The following RCC2 variants were observed in gnomAD, a reference collection of about 807,000 sequenced individuals.
RCC2 encodes the protein protein RCC2.
In RCC2, 19 loss-of-function variants were observed where a neutral mutation model predicts 64.1. The ratio of observed to expected loss-of-function variants is 0.30; its 90% CI spans 0.21 to 0.44. The LOEUF (loss-of-function observed/expected upper bound fraction) is 0.44, where lower values mean the gene tolerates loss of function less well. Among genes scored for constraint, RCC2 ranks in the 20% least tolerant of loss-of-function variants. The pLI is 1.00. For missense variants in RCC2, 508 were observed against 710.4 expected (o/e 0.72, Z 3.24); for synonymous variants, 325 against 279.6 (o/e 1.16, Z -1.62).
rs1429973045 is a variant in RCC2, at chr1:17,408,452, C to CCA, written c.*636_*637dup. The CCA allele has an allele frequency of 6.6e-6, 1 of 152,504 alleles. No individual in the cohort carries two copies. The highest frequency in any genetic ancestry group is 1.5e-5 in the Non-Finnish European group (1 of 68,266). 9.4% of individuals were successfully genotyped at this position (152,504 alleles called of 1,614,324 possible). On this transcript the variant is annotated 3_prime_UTR_variant, in exon 13 of 13. Coordinates refer to ENST00000375436, the MANE Select transcript of RCC2 (RefSeq NM_018715.4). ...TGGCTAAACACAGATCCCCAATCCCCCACCAGGGGGGACACGGCCGATTCT... is the reference window on the plus strand; with the variant it reads ...TGGCTAAACACAGATCCCCAATCCCCCACACCAGGGGGGACACGGCCGATTCT...
chr1:17,412,033 G>T, intron 11 of RCC2, 89 bp downstream of exon 11: 2 of 1,157,208 alleles, frequency 1.7e-6, no homozygotes, highest in Non-Finnish European at 1.3e-6. Flanking sequence ...TCTTCTGTGT[G>T]TTTTGGGAGA....
chr1:17,426,850 C>T (rs2075623049), intron 3 of RCC2, among the ~76,000 whole-genome samples: 2 of 150,094 alleles, frequency 1.3e-5, no homozygotes, highest in African/African-American at 4.9e-5. Flanking sequence ...GCAACCTCTG[C>T]CTCCCAGGTT....
chr1:17,426,894 C>G (rs960571321), intron 3 of RCC2, among the ~76,000 whole-genome samples: 2 of 150,658 alleles, frequency 1.3e-5, no homozygotes, highest in African/African-American at 4.9e-5. Flanking sequence ...TCACGAGTAA[C>G]TGGGATTACA....
chr1:17,418,009 T>C (rs2075507674), intron 7 of RCC2, among the ~76,000 whole-genome samples: 1 of 150,690 alleles, frequency 6.6e-6, no homozygotes, highest in Non-Finnish European at 1.5e-5. Context: ...ATTTTAAGTG[T>C]ACAGGTTACA....
At position 17,413,540 on chromosome 1, in the gene RCC2, C is replaced by T; in HGVS notation, c.1204G>A (p.Val402Met). 6.2e-7 allele frequency: 1 copy of T among 1,614,010 alleles called. No individual in the cohort carries two copies. Among genetic ancestry groups the T allele is most frequent in the Non-Finnish European group, 8.5e-7 (1 of 1,179,872 alleles). Residue 402 changes from valine (V) to methionine (M), a missense_variant, in exon 9 of 13, where the codon GTG becomes ATG. Transcript: ENST00000375436. ...GYTCSFAVSE[V>M]GGLFFWGATN... is the part of the protein sequence containing the mutation. Reference sequence around the variant, plus strand: ...CCAGGGGGCAGAAATCACTAACCCACTTCACTGACAGCAAAGGAGCAGGTG... The same window carrying T: ...CCAGGGGGCAGAAATCACTAACCCATTTCACTGACAGCAAAGGAGCAGGTG...
chr1:17,413,400 CACA>C (rs1009407012), intron 9 of RCC2, 134 bp downstream of exon 9: 45 of 1,025,930 alleles, frequency 4.4e-5, no homozygotes, highest in African/African-American at 3.9e-4. Flanking sequence ...GCCTGGACAA[CACA>C]ACGAGTTCCT....
intron 3 of RCC2, among the ~76,000 whole-genome samples, chr1:17,428,319 G>A (rs1408420): frequency 0.4 from 60,785 of 152,128 alleles, 12,695 homozygotes; most frequent in African/African-American, 0.52. Flanking sequence ...TGAAGGCTGG[G>A]CATTTTCCAA....
chr1:17,438,555 G>A, intron 1 of RCC2, 33 bp from the exon 2 acceptor site: 2 of 1,300,538 alleles, frequency 1.5e-6, no homozygotes, highest in Non-Finnish European at 9.8e-7. Flanking sequence ...GGCGCACAAT[G>A]GACGGGTTAT....
rs375130479 is a variant in RCC2 at position 17,422,887 on chromosome 1, C to T, written c.524-51G>A. 169 of 1,610,474 alleles carry T rather than the reference C, an allele frequency of 1.0e-4. 1 individual carries two copies. The African/African-American group carries it at 2.0e-3, about 19-fold the overall frequency. ...AAAAGAGAGAGGGTGGTCCAGGCGG[C>T]ACCACCAGGAGAAGGCGAGTACAAA... On this transcript the variant is annotated intron_variant, in intron 4 of 12. Transcript: ENST00000375436.
chr1:17,422,190 G>T lies in RCC2; in HGVS notation c.744+13C>A. 6.3e-7 allele frequency: 1 copy of T among 1,587,926 alleles called. No homozygotes were observed. The highest frequency in any genetic ancestry group is 8.6e-7 in the Non-Finnish European group (1 of 1,161,670). ...AACAAAAAGCCATGGAGCCGGAGCT[G>T]AGGAGGGGTCACCTGCGCGGGGCTG... On this transcript the variant is annotated intron_variant, in intron 6 of 12. Transcript: ENST00000375436.
chr1:17,436,882 A>G (rs2075740602), intron 2 of RCC2, among the ~76,000 whole-genome samples: 1 of 152,212 alleles, frequency 6.6e-6, no homozygotes, highest in South Asian at 2.1e-4. Context: ...ACGTCAAAGG[A>G]AAACAGTTCC....
rs374675287 is a variant in RCC2, at chr1:17,418,323, T to C, written c.860-1677A>G. 2.3e-3 allele frequency among the ~76,000 whole-genome samples: 350 copies of C among 152,196 alleles called. 1 individual carries two copies. The highest frequency in any genetic ancestry group is 0.011 in the South Asian group (51 of 4,812). On this transcript the variant is annotated intron_variant, in intron 7 of 12. Transcript: ENST00000375436. ...GTCTTATGACAGCAGTTCTCTACTG[T>C]TGACATAATCCCTTCCAGTGGAACA...
At chr1:17,422,070 G>T in intron 6 of RCC2, 133 bp downstream of exon 6, 1 of 600,146 alleles carries the variant, frequency 1.7e-6, no homozygotes, top group Non-Finnish European at 2.9e-6. Context: ...AAACTCTACA[G>T]CATGTAACTA....
In RCC2 at chr1:17,438,471, C is replaced by T; in HGVS notation, c.44G>A (p.Ser15Asn). The change falls in exon 2 of 13, where the codon AGC becomes AAC. Residue 15 changes from serine to asparagine, a missense_variant. Around this residue, in one of 4 missense-constraint regions of RCC2, gnomAD observed 195 missense variants for 158.3 expected, o/e 1.23. Coordinates refer to ENST00000375436, the MANE Select transcript of RCC2 (RefSeq NM_018715.4). The part of the protein sequence containing the change: ...KAAAAAWEEP[S>N]SGNGTARAGP... ...GGCGCGGGCAGTGCCGTTGCCCGAG[C>T]TCGGCTCCTCCCAGGCCGCCGCCGC... 1 of 1,337,710 alleles carries T rather than the reference C, an allele frequency of 7.5e-7. No individual in the cohort carries two copies. Among genetic ancestry groups the T allele is most frequent in the Non-Finnish European group, 9.5e-7 (1 of 1,048,760 alleles). 82.9% of individuals were successfully genotyped at this position (1,337,710 alleles called of 1,614,324 possible). A position where few individuals can be genotyped will look rare whatever the true frequency, so the allele number is the denominator to read the frequency against.
chr1:17,426,363 A>T (rs2075616517), intron 3 of RCC2, among the ~76,000 whole-genome samples: 1 of 151,866 alleles, frequency 6.6e-6, no homozygotes, highest in Non-Finnish European at 1.5e-5. Flanking sequence ...CAGCCACTTC[A>T]TGACTCCCCT....
At chr1:17,432,096 G>T in intron 2 of RCC2, among the ~76,000 whole-genome samples, 1 of 150,954 alleles carries the variant, frequency 6.6e-6, no homozygotes, top group South Asian at 2.1e-4. Context: ...CTCAAAAAGA[G>T]AAAAAAAAAG....
At chr1:17,435,646 G>C (rs1168325300) in intron 2 of RCC2, among the ~76,000 whole-genome samples, 2 of 152,232 alleles carry the variant, frequency 1.3e-5, no homozygotes, top group Non-Finnish European at 2.9e-5. Context: ...CTCAGTAGAT[G>C]CTAACAAAAC....
At chr1:17,418,454 T>G (rs748532719) in intron 7 of RCC2, among the ~76,000 whole-genome samples, 10 of 151,982 alleles carry the variant, frequency 6.6e-5, no homozygotes, top group Non-Finnish European at 1.2e-4. Context: ...GTCAAGAGAT[T>G]GAGACCATCC....
chr1:17,425,981 G>C (rs756277680), intron 3 of RCC2, among the ~76,000 whole-genome samples: 1 of 152,146 alleles, frequency 6.6e-6, no homozygotes, highest in Non-Finnish European at 1.5e-5. Flanking sequence ...CTCTCACAGG[G>C]CTCAGCCCCA....
Sources: allele counts gnomAD v4.1 joint callset (sites outside exome capture counted in the v4.1 genomes callset), GRCh38; gene constraint gnomAD v4.1.1; regional missense constraint gnomAD v4.1.1; transcripts MANE v1.5; gene names NCBI Gene and HGNC (gene_info 2026-07-23, HGNC 2026-07-21).